The following ARID2 variants were observed in gnomAD, a reference collection of about 807,000 sequenced individuals.
ARID2 encodes the protein AT-rich interactive domain-containing protein 2.
ARID2 carries 32 observed loss-of-function variants against 184.6 expected under a neutral mutation model. The observed-to-expected ratio is 0.17, with a 90% CI of 0.13 to 0.23. The LOEUF is 0.23. Ranked by LOEUF, ARID2 falls within the 10% of genes least tolerant of loss-of-function variation. The probability of loss-of-function intolerance (pLI) is 1.00; values close to 1 mark genes in which losing one functional copy is unlikely to be tolerated. For synonymous variants in ARID2, 836 were observed against 772.6 expected (o/e 1.08, Z -1.36); for missense variants, 1,696 against 2,197.6 (o/e 0.77, Z 4.56).
At chr12:45,775,273 A>G (rs1334197121) in intron 3 of ARID2, among the ~76,000 whole-genome samples, 1 of 152,220 alleles carries the variant, frequency 6.6e-6, no homozygotes, top group Non-Finnish European at 1.5e-5. Flanking sequence ...TTGCCATCTC[A>G]GAGAAAACCT....
chr12:45,904,232 AGAAGC>A, intron 20 of ARID2: 1 of 611,148 alleles, frequency 1.6e-6, no homozygotes, highest in Non-Finnish European at 3.0e-6. Context: ...ATGAAGACTA[AGAAGC>A]TTTAATTATA....
At chr12:45,862,877 T>C (rs1180352777) in intron 16 of ARID2, among the ~76,000 whole-genome samples, 1 of 140,182 alleles carries the variant, frequency 7.1e-6, no homozygotes, top group East Asian at 2.1e-4. Context: ...TAAACAGGGC[T>C]TCTTAGAGCA....
chr12:45,749,470 T>C lies in ARID2; in HGVS notation c.284+18156T>C, dbSNP rs144650034. 1.3e-4 allele frequency among the ~76,000 whole-genome samples: 20 copies of C among 152,356 alleles called. No homozygotes were observed. In the East Asian group the frequency reaches 3.8e-3, roughly 29 times the overall value. ...GACCCTTGGATTTTCAGAATGGTCA[T>C]TGAGCATTGGCTTTGACTTAAAGTC... On this transcript the variant is annotated intron_variant, in intron 3 of 20. Coordinates refer to ENST00000334344, the MANE Select transcript of ARID2 (RefSeq NM_152641.4).
intron 6 of ARID2, among the ~76,000 whole-genome samples, chr12:45,828,606 C>A (rs1160532147): frequency 6.6e-6 from 1 of 151,934 alleles, no homozygotes; most frequent in African/African-American, 2.4e-5. Context: ...GGTTCCAGTT[C>A]CTCGTTGTTG....
chr12:45,892,741 A>ATTATATCTGCTTGG (rs1344208519), intron 18 of ARID2, among the ~76,000 whole-genome samples: 2 of 152,136 alleles, frequency 1.3e-5, no homozygotes, highest in African/African-American at 4.8e-5. Context: ...CACACAGATA[A>ATTATATCTGCTTGG]TGATGCACTA....
chr12:45,817,136 G>A (rs2138091035), intron 4 of ARID2, among the ~76,000 whole-genome samples: 1 of 152,252 alleles, frequency 6.6e-6, no homozygotes, highest in Non-Finnish European at 1.5e-5. Context: ...CCGGAGAATT[G>A]CATAAACTCG....
chr12:45,736,017 G>A (rs1054813391), intron 3 of ARID2, among the ~76,000 whole-genome samples: 11 of 152,176 alleles, frequency 7.2e-5, no homozygotes, highest in African/African-American at 2.7e-4. Flanking sequence ...TGTGGATTCA[G>A]TATTTTCATA....
chr12:45,839,566 T>G (rs1045468343), intron 11 of ARID2, 70 bp downstream of exon 11: 109 of 1,518,076 alleles, frequency 7.2e-5, no homozygotes, highest in Non-Finnish European at 8.3e-5. Flanking sequence ...AGAATAAATT[T>G]CAATGTGCAG....
intron 16 of ARID2, among the ~76,000 whole-genome samples, chr12:45,870,272 G>T (rs1224239772): frequency 6.6e-6 from 1 of 152,176 alleles, no homozygotes; most frequent in Non-Finnish European, 1.5e-5. Flanking sequence ...ACAGGCGTGA[G>T]CCACTGTGTC....
intron 20 of ARID2, among the ~76,000 whole-genome samples, chr12:45,902,082 T>TA (rs1442534536): frequency 1.6e-4 from 24 of 152,238 alleles, no homozygotes; most frequent in Non-Finnish European, 2.1e-4. Flanking sequence ...AAATGGTTTT[T>TA]ACTAGTGTTG....
At chr12:45,785,258 G>A (rs1345799223) in intron 3 of ARID2, among the ~76,000 whole-genome samples, 3 of 152,162 alleles carry the variant, frequency 2.0e-5, no homozygotes, top group Non-Finnish European at 4.4e-5. Context: ...TTGGCCTCAG[G>A]TAAATTATTT....
intron 3 of ARID2, among the ~76,000 whole-genome samples, chr12:45,749,228 C>T (rs1359244615): frequency 2.6e-5 from 4 of 152,166 alleles, no homozygotes; most frequent in Non-Finnish European, 4.4e-5. Flanking sequence ...AGCATGAAAA[C>T]AACATTCATC....
intron 20 of ARID2, among the ~76,000 whole-genome samples, chr12:45,903,795 A>G (rs1212784108): frequency 6.6e-6 from 1 of 151,798 alleles, no homozygotes; most frequent in Non-Finnish European, 1.5e-5. Flanking sequence ...AGTTTCTTTT[A>G]TTCGGAGTTA....
At chr12:45,731,778 T>C (rs1487308719) in intron 3 of ARID2, among the ~76,000 whole-genome samples, 1 of 152,064 alleles carries the variant, frequency 6.6e-6, no homozygotes, top group Admixed American at 6.5e-5. Context: ...TGTCATTGAA[T>C]AGGTTTTTCA....
chr12:45,761,058 A>T (rs917922369), intron 3 of ARID2, among the ~76,000 whole-genome samples: 34 of 152,082 alleles, frequency 2.2e-4, no homozygotes, highest in African/African-American at 8.2e-4. Flanking sequence ...AACTGAGAAT[A>T]TGTCTTCTGA....
Position 45,745,612 on chromosome 12 carries a change from A to G in ARID2, c.284+14298A>G, listed in dbSNP as rs371462807. ...ACCCAGGCTAGAATGCAGTGGCGCA[A>G]TCTCGGCTCACTGCAACCTCCACCT... On this transcript the variant is annotated intron_variant, in intron 3 of 20. Coordinates refer to ENST00000334344, the MANE Select transcript of ARID2 (RefSeq NM_152641.4). 2.4e-3 allele frequency among the ~76,000 whole-genome samples: 365 copies of G among 152,300 alleles called. 14 individuals are homozygous for G. The South Asian group carries it at 0.068, about 28-fold the overall frequency.
At chr12:45,881,556 T>A (rs1273758831) in intron 16 of ARID2, 1 of 153,242 alleles carries the variant, frequency 6.5e-6, no homozygotes, top group Non-Finnish European at 1.5e-5. Flanking sequence ...TTTGACTGGC[T>A]TTTTTTTACT....
intron 9 of ARID2, 37 bp from the exon 10 acceptor site, chr12:45,837,461 A>G (rs1289158411): frequency 1.2e-6 from 2 of 1,610,878 alleles, no homozygotes; most frequent in Admixed American, 1.7e-5. Context: ...TAAACAAACT[A>G]TCATTTCTTA....
At position 45,851,728 on chromosome 12, in the gene ARID2, C is replaced by T. The variant is rs768123632; in HGVS notation, c.3605C>T (p.Thr1202Ile). 6.2e-6 allele frequency: 10 copies of T among 1,614,114 alleles called. No individual in the cohort carries two copies. The highest frequency in any genetic ancestry group is 2.2e-5 in the East Asian group (1 of 44,876). ...CAGCTCATTGCTCCAGCAGGAATTA[C>T]CATGAGCGGAACGCAGACAGGAGTT... The part of the protein sequence containing the change: ...ATQLIAPAGI[T>I]MSGTQTGVGL... Residue 1202 changes from threonine (T) to isoleucine (I), a missense_variant, in exon 15 of 21, where the codon ACC (threonine) becomes ATC (isoleucine). Thr to Ile is a moderately conservative substitution (Grantham distance 89). Around this residue, in one of 11 missense-constraint regions of ARID2, gnomAD observed 428 missense variants for 409.1 expected, o/e 1.05. Transcript: ENST00000334344.
Sources: allele counts gnomAD v4.1 joint callset (sites outside exome capture counted in the v4.1 genomes callset), GRCh38; gene constraint gnomAD v4.1.1; regional missense constraint gnomAD v4.1.1; transcripts MANE v1.5; gene names NCBI Gene and HGNC (gene_info 2026-07-23, HGNC 2026-07-21).